The following PCSK4 variants were observed in gnomAD, a reference collection of about 807,000 sequenced individuals.
PCSK4 encodes the protein proprotein convertase subtilisin/kexin type 4, also known as testicular tissue protein Li 135.
A neutral mutation model predicts 80.3 loss-of-function variants in PCSK4; 64 were observed. The ratio of observed to expected loss-of-function variants is 0.80; its 90% CI spans 0.65 to 0.98. PCSK4 has a LOEUF of 0.98. Ranked by LOEUF, PCSK4 falls within the 50% of genes least tolerant of loss-of-function variation. The pLI is 0.00. For missense variants in PCSK4, 1,213 were observed against 1,093.6 expected (o/e 1.11, Z -1.54); for synonymous variants, 561 against 487.6 (o/e 1.15, Z -1.98).
exon 8 of PCSK4, chr19:1,486,936 C>T (rs1306625782): frequency 2.4e-5 from 38 of 1,606,232 alleles, no homozygotes; most frequent in Non-Finnish European, 3.1e-5. Flanking sequence ...GGCACGCGGC[C>T]CTGCTGGGTG....
At chr19:1,484,113 C>T in exon 9 of PCSK4, 3 of 1,561,364 alleles carry the variant, frequency 1.9e-6, no homozygotes, top group Non-Finnish European at 1.7e-6. Flanking sequence ...ACCCGTGATG[C>T]AGGTCCGTGG....
At position 1,488,107 on chromosome 19, in the gene PCSK4, G is replaced by C; in HGVS notation, c.388-15C>G. The C allele has an allele frequency of 1.2e-6, 2 of 1,612,732 alleles. No individual in the cohort carries two copies. The highest frequency in any genetic ancestry group is 1.7e-6 in the Non-Finnish European group (2 of 1,179,572). The stretch of plus-strand genomic sequence containing the variant: ...GCCTCGCTGTTCTGCAGGGGGAGGC[G>C]GGGTTGTGACCCTGTGAGGGCCTGG... On this transcript the variant is annotated splice_polypyrimidine_tract_variant and intron_variant, in intron 3 of 14. Coordinates refer to ENST00000300954, the Ensembl canonical transcript of PCSK4.
At chr19:1,485,539 C>T (rs2084556965) in intron 8 of PCSK4, among the ~76,000 whole-genome samples, 1 of 151,512 alleles carries the variant, frequency 6.6e-6, no homozygotes, top group African/African-American at 2.4e-5. Context: ...CACTCTGTTG[C>T]ACCCAGCCTG....
At chr19:1,481,948 G>C (rs761974505) in exon 15 of PCSK4, 1 of 1,597,216 alleles carries the variant, frequency 6.3e-7, no homozygotes, top group African/African-American at 1.3e-5. Context: ...CTCTAAGCCG[G>C]GGGCGGCTGT....
intron 13 of PCSK4, 185 bp downstream of exon 13, chr19:1,482,711 A>G (rs1467077013): frequency 1.2e-5 from 9 of 762,152 alleles, no homozygotes; most frequent in Middle Eastern, 7.6e-4. Context: ...GTTACCGCAC[A>G]CCTACTGTGT....
exon 9 of PCSK4, chr19:1,484,069 G>A: frequency 6.4e-7 from 1 of 1,564,788 alleles, no homozygotes. Flanking sequence ...CGCCAGTGGG[G>A]CTGAGGCCGA....
chr19:1,483,628 G>C, intron 11 of PCSK4, 22 bp downstream of exon 11: 1 of 1,546,566 alleles, frequency 6.5e-7, no homozygotes. Context: ...GGGGATAGCG[G>C]AGGGGCGCGC....
At chr19:1,482,098 C>T (rs1465517346) in exon 15 of PCSK4, 22 of 1,549,818 alleles carry the variant, frequency 1.4e-5, no homozygotes, top group African/African-American at 5.5e-5. Flanking sequence ...TCAGCGCGGG[C>T]GCCGCCGTGT....
intron 13 of PCSK4, 199 bp downstream of exon 13, chr19:1,482,697 C>T (rs2084363191): frequency 1.3e-6 from 1 of 750,516 alleles, no homozygotes. Flanking sequence ...CCTACATCTC[C>T]CGTGTTACCG....
rs774094225 is a variant in PCSK4 at position 1,487,873 on chromosome 19, T to TG, written c.517-13dup. On this transcript the variant is annotated splice_polypyrimidine_tract_variant and intron_variant, in intron 4 of 14. Transcript: ENST00000300954. ...CTGGCCAGGGGGTCCTGGGGGCAGG[T>TG]GGGGATATGAGGGGGCCGGGAGGCG... The TG allele has an allele frequency of 2.8e-4, 434 of 1,526,436 alleles. No individual in the cohort carries two copies. Among genetic ancestry groups the TG allele is most frequent in the Non-Finnish European group, 3.7e-4 (419 of 1,127,710 alleles). 94.6% of individuals were successfully genotyped at this position (1,526,436 alleles called of 1,614,324 possible). A position where few individuals can be genotyped will look rare whatever the true frequency, so the allele number is the denominator to read the frequency against.
chr19:1,482,604 A>G, intron 13 of PCSK4, 129 bp from the exon 14 acceptor site: 8 of 1,160,228 alleles, frequency 6.9e-6, no homozygotes, highest in Non-Finnish European at 9.6e-6. Flanking sequence ...CTCTCAGGGA[A>G]TTGCACACCT....
At chr19:1,488,442 G>A (rs918013307) in intron 2 of PCSK4, among the ~76,000 whole-genome samples, 162 bp from the exon 3 acceptor site, 3 of 152,116 alleles carry the variant, frequency 2.0e-5, no homozygotes, top group Non-Finnish European at 4.4e-5. Flanking sequence ...GGAAGGGGTC[G>A]AGGCTTTTGG....
chr19:1,489,609 C>A, intron 2 of PCSK4, 184 bp downstream of exon 2: 2 of 1,109,906 alleles, frequency 1.8e-6, no homozygotes, highest in Non-Finnish European at 2.5e-6. Context: ...CTGGCAGGCG[C>A]CATGATTTCC....
chr19:1,482,650 G>A, intron 13 of PCSK4, 175 bp from the exon 14 acceptor site: 1 of 856,332 alleles, frequency 1.2e-6, no homozygotes, highest in Non-Finnish European at 1.8e-6. Flanking sequence ...ACATCTCCCG[G>A]GTGACTGCAC....
intron 2 of PCSK4, 49 bp downstream of exon 2, chr19:1,489,744 G>A: frequency 6.4e-7 from 1 of 1,565,558 alleles, no homozygotes; most frequent in South Asian, 1.2e-5. Context: ...GTGGCCCCAG[G>A]AGGCAGCTGA....
At position 1,487,692 on chromosome 19, in the gene PCSK4, C is replaced by T. The variant is rs374409441; in HGVS notation, c.594-1G>A. 5.8e-6 allele frequency: 9 copies of T among 1,553,836 alleles called. No individual in the cohort carries two copies. The highest frequency in any genetic ancestry group is 6.1e-6 in the Non-Finnish European group (7 of 1,149,048). ...CTCCCCAGCACAGCGGGTCCCGTGC[C>T]TGGTGCCAGGGCCAAGAGGGGCTCC... On this transcript the variant is annotated splice_acceptor_variant, in intron 5 of 14. Coordinates refer to ENST00000300954, the Ensembl canonical transcript of PCSK4. LOFTEE classifies it high-confidence loss of function.
chr19:1,487,885 G>A (rs759574945), intron 4 of PCSK4, 24 bp from the exon 5 acceptor site: 4 of 1,556,306 alleles, frequency 2.6e-6, no homozygotes, highest in South Asian at 2.4e-5. Context: ...GGGATATGAG[G>A]GGGCCGGGAG....
chr19:1,482,849 G>A (rs1183644475), intron 13 of PCSK4, 47 bp downstream of exon 13: 1 of 1,599,986 alleles, frequency 6.3e-7, no homozygotes, highest in South Asian at 1.1e-5. Flanking sequence ...CCTGGGGGGA[G>A]GTTGGAGAGC....
chr19:1,489,873 G>T (rs1038527116), exon 2 of PCSK4: 8 of 1,609,832 alleles, frequency 5.0e-6, no homozygotes, highest in East Asian at 2.2e-5. Context: ...TGCCGCAGGT[G>T]AAAGTACTGC....
Sources: allele counts gnomAD v4.1 joint callset (sites outside exome capture counted in the v4.1 genomes callset), GRCh38; gene constraint gnomAD v4.1.1; transcripts MANE v1.5; gene names NCBI Gene and HGNC (gene_info 2026-07-23, HGNC 2026-07-21).